The following TEPSIN variants were observed in gnomAD, a reference collection of about 807,000 sequenced individuals.
TEPSIN encodes TEPSIN adaptor related protein complex 4 accessory protein, also known as AP-4 complex accessory subunit tepsin.
In TEPSIN, 50 loss-of-function variants were observed where a neutral mutation model predicts 48.5. That is an observed-to-expected ratio of 1.03 (90% confidence interval 0.82 to 1.31). The LOEUF is 1.31. Ranked by LOEUF, TEPSIN falls within the 50% of genes most tolerant of loss-of-function variation. The pLI, the probability that TEPSIN is intolerant of heterozygous loss-of-function variation, is 0.00. For synonymous variants in TEPSIN, 392 were observed against 358.8 expected (o/e 1.09, Z -1.05); for missense variants, 838 against 815.9 (o/e 1.03, Z -0.33).
At chr17:81,237,586 A>G (rs763646180) in intron 1 of TEPSIN, 127 bp from the exon 2 acceptor site, 2 of 992,918 alleles carry the variant, frequency 2.0e-6, no homozygotes, top group Admixed American at 5.3e-5. Context: ...GAGGACTGGG[A>G]AGGGATGAGA....
In TEPSIN at chr17:81,230,411, G is replaced by A; in HGVS notation, c.1233+133C>T. The A allele has an allele frequency of 7.7e-7, 1 of 1,301,352 alleles. No homozygotes were observed. Among genetic ancestry groups the A allele is most frequent in the Admixed American group, 2.3e-5 (1 of 44,222 alleles). 80.6% of individuals were successfully genotyped at this position (1,301,352 alleles called of 1,614,324 possible). ...CTTGCTGCTGCTCCCTCTGCCAGCG[G>A]GACAGGGACTTGAGAGGGGGTCCGG... On this transcript the variant is annotated intron_variant, in intron 12 of 12. Transcript: ENST00000637944. The surrounding 1 kb of genome is among the most constrained non-coding windows in gnomAD (Gnocchi z 4.2).
chr17:81,233,187 C>T lies in TEPSIN; in HGVS notation c.526+245G>A. ...GACTCACCCCTGCCACGGGGCCCAG[C>T]CCTGACTTCTTGCTCGGCCTGGTTT... On this transcript the variant is annotated intron_variant, in intron 7 of 12. Coordinates refer to ENST00000637944, the MANE Select transcript of TEPSIN (RefSeq NM_001363764.2). The surrounding 1 kb of genome is among the most constrained non-coding windows in gnomAD (Gnocchi z 5.8). The T allele has an allele frequency of 1.7e-6, 1 of 577,224 alleles. No individual in the cohort carries two copies. The highest frequency in any genetic ancestry group is 3.0e-6 in the Non-Finnish European group (1 of 327,970). The allele number at this position is 577,224 out of a possible 1,614,324, so 35.8% of individuals were successfully genotyped here.
rs889048197 is a variant in TEPSIN, at chr17:81,232,442, G to A, written c.603C>T (p.Pro201=). 3.3e-5 allele frequency: 51 copies of A among 1,535,732 alleles called. No individual in the cohort carries two copies. In the East Asian group the frequency reaches 3.9e-4, roughly 12 times the overall value. Residue 201 remains proline, a synonymous_variant, in exon 8 of 13, where the codon CCC becomes CCT. Transcript: ENST00000637944. The part of the protein sequence containing the change: ...EVVASAMRPG[P]ESPSTRRLLP... Reference sequence around the variant, plus strand: ...GGAGCCTCCGGGTACTGGGACTCTCGGGCCCGGGGCGCATGGCGCTGGCCA... The same window carrying A: ...GGAGCCTCCGGGTACTGGGACTCTCAGGCCCGGGGCGCATGGCGCTGGCCA...
chr17:81,234,004 G>A lies in TEPSIN; in HGVS notation c.352C>T (p.Gln118Ter). Residue 118 changes from glutamine to a stop codon, truncating the protein, a stop_gained, in exon 5 of 13, where the codon CAG (glutamine) becomes TAG (stop). Coordinates refer to ENST00000637944, the MANE Select transcript of TEPSIN (RefSeq NM_001363764.2). LOFTEE classifies it high-confidence loss of function. This position sits in a 1 kb window ranked among gnomAD's most constrained non-coding sequence, Gnocchi z 5.4. ...PDPLHGNSLY[Q>*]KVRAAAQDLG... Reference sequence around the variant, plus strand: ...ACCTGCGCGGCCGCGCGAACCTTCTGGTACAAGCTGTTCCCGTGCAGAGGA... The same window carrying A: ...ACCTGCGCGGCCGCGCGAACCTTCTAGTACAAGCTGTTCCCGTGCAGAGGA... 6.3e-7 allele frequency: 1 copy of A among 1,598,070 alleles called. No homozygotes were observed. Among genetic ancestry groups the A allele is most frequent in the African/African-American group, 1.4e-5 (1 of 73,892 alleles).
In TEPSIN at chr17:81,233,106, G is replaced by C. The variant is rs997998034; in HGVS notation, c.526+326C>G. ...CCTCATAACAGCTCCACACGGGACT[G>C]CCTGAGTCACCTGCACCACAGCCAG... is the stretch of plus-strand genomic sequence containing the variant. On this transcript the variant is annotated intron_variant, in intron 7 of 12. Transcript: ENST00000637944. This position sits in a 1 kb window ranked among gnomAD's most constrained non-coding sequence, Gnocchi z 5.8. 2.2e-6 allele frequency: 1 copy of C among 454,842 alleles called. No individual in the cohort carries two copies. Among genetic ancestry groups the C allele is most frequent in the Non-Finnish European group, 3.9e-6 (1 of 253,202 alleles). 28.2% of individuals were successfully genotyped at this position (454,842 alleles called of 1,614,324 possible).
chr17:81,231,318 TGCACACACACGCACACGCACACACAC>T, intron 11 of TEPSIN, 54 bp downstream of exon 11: 1 of 1,380,610 alleles, frequency 7.2e-7, no homozygotes, highest in Middle Eastern at 2.6e-4. Flanking sequence ...CAGGCACACG[TGCACACACACGCACACGCACACACAC>T]GCACACAGGC....
In TEPSIN at chr17:81,230,460, A is replaced by C; in HGVS notation, c.1233+84T>G. On this transcript the variant is annotated intron_variant, in intron 12 of 12. Coordinates refer to ENST00000637944, the MANE Select transcript of TEPSIN (RefSeq NM_001363764.2). This position sits in a 1 kb window ranked among gnomAD's most constrained non-coding sequence, Gnocchi z 4.2. ...GGGAAGGGCTGACCAGGCGCCGGGC[A>C]GGGACGGGGTGGCCGTGGACTGCAG... 1 of 1,551,214 alleles carries C rather than the reference A, an allele frequency of 6.4e-7. No individual in the cohort carries two copies. The highest frequency in any genetic ancestry group is 1.2e-5 in the South Asian group (1 of 85,694).
rs1490397065 is a variant in TEPSIN at position 81,229,151 on chromosome 17, C to A, written c.1559G>T (p.Gly520Val). 3.1e-6 allele frequency: 5 copies of A among 1,612,694 alleles called. No homozygotes were observed. The highest frequency in any genetic ancestry group is 3.3e-5 in the Admixed American group (2 of 59,918). Residue 520 changes from glycine (G) to valine (V), a missense_variant, in exon 13 of 13, where the codon GGC becomes GTC. Physicochemically the swap from Gly to Val is moderately radical, Grantham distance 109. Transcript: ENST00000637944. The stretch of plus-strand genomic sequence containing the variant: ...GGGGCCTCTCTTTGGGCTGTCCGTG[C>A]CCCCTGGGATCCGTTCAGGTCTCCA... The part of the protein sequence containing the change: ...RRWRPERIPG[G>V]TDSPKRGPSS...
Position 81,230,241 on chromosome 17 carries a change from G to GT in TEPSIN, c.1233+302dup. The GT allele has an allele frequency of 2.5e-6, 1 of 406,546 alleles. No individual in the cohort carries two copies. Among genetic ancestry groups the GT allele is most frequent in the Non-Finnish European group, 4.5e-6 (1 of 223,650 alleles). 25.2% of individuals were successfully genotyped at this position (406,546 alleles called of 1,614,324 possible). ...AGTCAGGGAGGGCTTCCTGGAAGAG[G>GT]TAAGTGTGAGGCCAAGACACAAGGG... On this transcript the variant is annotated intron_variant, in intron 12 of 12. Transcript: ENST00000637944. The surrounding 1 kb of genome is among the most constrained non-coding windows in gnomAD (Gnocchi z 4.2).
chr17:81,238,917 C>A, intron 1 of TEPSIN, 69 bp downstream of exon 1: 1 of 1,391,662 alleles, frequency 7.2e-7, no homozygotes, highest in Non-Finnish European at 9.3e-7. Flanking sequence ...CGGCCCGGGG[C>A]GAGTCCGGGG....
chr17:81,230,682 CG>C lies in TEPSIN; in HGVS notation c.1099-5del. ...AGGCGATGGCACACAGCGCCCTCTGCGGGTGAAGGGAGGGGACATCAGCACC... is the reference window on the plus strand; with the variant it reads ...AGGCGATGGCACACAGCGCCCTCTGCGGTGAAGGGAGGGGACATCAGCACC... On this transcript the variant is annotated splice_polypyrimidine_tract_variant and splice_region_variant and intron_variant, in intron 11 of 12. Coordinates refer to ENST00000637944, the MANE Select transcript of TEPSIN (RefSeq NM_001363764.2). This position sits in a 1 kb window ranked among gnomAD's most constrained non-coding sequence, Gnocchi z 4.2. 6.5e-7 allele frequency: 1 copy of C among 1,535,946 alleles called. No individual in the cohort carries two copies. The highest frequency in any genetic ancestry group is 2.0e-5 in the Admixed American group (1 of 51,094).
Position 81,230,202 on chromosome 17 carries a change from C to A in TEPSIN, c.1233+342G>T. On this transcript the variant is annotated intron_variant, in intron 12 of 12. Transcript: ENST00000637944. This position sits in a 1 kb window ranked among gnomAD's most constrained non-coding sequence, Gnocchi z 4.2. ...TGAGCATGAGCTGTGTCATGGGTGG[C>A]AAACTGCATGTGCAGTCAGGGAGGG... 1 of 307,872 alleles carries A rather than the reference C, an allele frequency of 3.2e-6. No individual in the cohort carries two copies. The highest frequency in any genetic ancestry group is 7.7e-5 in the East Asian group (1 of 13,024). 19.1% of individuals were successfully genotyped at this position (307,872 alleles called of 1,614,324 possible).
rs1200900725 is a variant in TEPSIN at position 81,237,387 on chromosome 17, T to C, written c.121A>G (p.Lys41Glu). 3.1e-6 allele frequency: 5 copies of C among 1,611,198 alleles called. No individual in the cohort carries two copies. Among genetic ancestry groups the C allele is most frequent in the Non-Finnish European group, 1.7e-6 (2 of 1,179,150 alleles). ...CPGYLFEEIA[K>E]ISHESPGSSQ... Reference sequence around the variant, plus strand: ...ACACGGGGACATCAAGGAAGGATACTAGCAATCTCTTCAAACAGGTAGCCC... The same window carrying C: ...ACACGGGGACATCAAGGAAGGATACCAGCAATCTCTTCAAACAGGTAGCCC... The change falls in exon 2 of 13, where the codon AAA (lysine) becomes GAA (glutamate). Residue 41 changes from lysine to glutamate, a missense_variant and splice_region_variant. Lys to Glu is a moderately conservative substitution (Grantham distance 56). Transcript: ENST00000637944.
intron 4 of TEPSIN, among the ~76,000 whole-genome samples, chr17:81,235,091 G>A (rs984560252): frequency 6.6e-6 from 1 of 152,052 alleles, no homozygotes; most frequent in African/African-American, 2.4e-5. Context: ...CTGAAAAGAT[G>A]CCTGCCCCAA....
intron 4 of TEPSIN, among the ~76,000 whole-genome samples, chr17:81,235,770 G>C (rs1005764730): frequency 6.6e-6 from 1 of 152,208 alleles, no homozygotes; most frequent in East Asian, 1.9e-4. Context: ...TGAGGATGGC[G>C]AGAGCACCCC....
At position 81,230,093 on chromosome 17, in the gene TEPSIN, G is replaced by C. The variant is rs1254378858; in HGVS notation, c.1233+451C>G. On this transcript the variant is annotated intron_variant, in intron 12 of 12. Coordinates refer to ENST00000637944, the MANE Select transcript of TEPSIN (RefSeq NM_001363764.2). The surrounding 1 kb of genome is among the most constrained non-coding windows in gnomAD (Gnocchi z 4.2). ...GCGGCCGGGAGAGGCCTCCCCGTGTGATTCCAGTGGCCGCCAGGCAGTTCA... is the reference window on the plus strand; with the variant it reads ...GCGGCCGGGAGAGGCCTCCCCGTGTCATTCCAGTGGCCGCCAGGCAGTTCA... The C allele has an allele frequency of 5.9e-6, 1 of 169,668 alleles. No homozygotes were observed. The highest frequency in any genetic ancestry group is 2.4e-5 in the African/African-American group (1 of 41,830). The allele number at this position is 169,668 out of a possible 1,614,324, so 10.5% of individuals were successfully genotyped here. A position where few individuals can be genotyped will look rare whatever the true frequency, so the allele number is the denominator to read the frequency against.
At chr17:81,235,975 G>A (rs1276102036) in intron 4 of TEPSIN, among the ~76,000 whole-genome samples, 3 of 152,204 alleles carry the variant, frequency 2.0e-5, no homozygotes, top group Non-Finnish European at 2.9e-5. Flanking sequence ...CCACAAGCAA[G>A]CAGTGGCACG....
Position 81,230,717 on chromosome 17 carries a change from A to T in TEPSIN, c.1099-39T>A. 1 of 1,487,854 alleles carries T rather than the reference A, an allele frequency of 6.7e-7. No homozygotes were observed. Among genetic ancestry groups the T allele is most frequent in the Non-Finnish European group, 8.9e-7 (1 of 1,117,670 alleles). 92.2% of individuals were successfully genotyped at this position (1,487,854 alleles called of 1,614,324 possible). A position where few individuals can be genotyped will look rare whatever the true frequency, so the allele number is the denominator to read the frequency against. On this transcript the variant is annotated intron_variant, in intron 11 of 12. Coordinates refer to ENST00000637944, the MANE Select transcript of TEPSIN (RefSeq NM_001363764.2). This position sits in a 1 kb window ranked among gnomAD's most constrained non-coding sequence, Gnocchi z 4.2. ...GAGGGGACATCAGCACCCATGGGGC[A>T]GCAGGTCCACGCCAGGGAGGCCTAT...
At chr17:81,229,576 C>G (rs566806400) in intron 12 of TEPSIN, 100 bp from the exon 13 acceptor site, 2 of 1,319,760 alleles carry the variant, frequency 1.5e-6, no homozygotes, top group African/African-American at 1.5e-5. Flanking sequence ...TCCCTCCACC[C>G]AGAGGGCAGG....
Sources: gnomAD v4.1 joint callset for allele counts (sites outside exome capture counted in the v4.1 genomes callset) on GRCh38, gnomAD v4.1.1 for gene constraint, Gnocchi (gnomAD v3.1) non-coding constraint, MANE v1.5 for transcripts, NCBI Gene and HGNC (gene_info 2026-07-23, HGNC 2026-07-21) for gene names.